AQP3: variants seen among roughly 807,000 people sequenced by gnomAD.
AQP3 encodes aquaporin-3.
Under a neutral mutation model 30.3 loss-of-function variants are expected in AQP3, and 15 were observed. The observed-to-expected ratio is 0.49, with a 90% confidence interval of 0.33 to 0.76. The LOEUF (loss-of-function observed/expected upper bound fraction) is 0.76. Ranked by LOEUF, AQP3 falls within the 30% of genes least tolerant of loss-of-function variation. The probability of loss-of-function intolerance (pLI) is 0.02; values close to 1 mark genes in which losing one functional copy is unlikely to be tolerated. For missense variants in AQP3, 272 were observed against 384.8 expected (o/e 0.71, Z 2.45); for synonymous variants, 153 against 163.2 (o/e 0.94, Z 0.47).
intron 1 of AQP3, among the ~76,000 whole-genome samples, chr9:33,444,160 G>A (rs553683127): frequency 2.0e-5 from 3 of 152,352 alleles, no homozygotes; most frequent in South Asian, 4.1e-4. Flanking sequence ...GAAGATGACT[G>A]AACCATCTTC....
chr9:33,447,358 G>T, intron 1 of AQP3, 65 bp downstream of exon 1: 8 of 1,385,734 alleles, frequency 5.8e-6, no homozygotes, highest in Non-Finnish European at 8.0e-6. Context: ...CCCCTTCGGG[G>T]AAGTGAGAGT....
Position 33,442,168 on chromosome 9 carries a change from G to A in AQP3, c.754C>T (p.Leu252=). The change falls in exon 6 of 6, where the codon CTG becomes TTG. Residue 252 remains leucine (L), a synonymous_variant. Coordinates refer to ENST00000297991, the MANE Select transcript of AQP3 (RefSeq NM_004925.5). ...WWWVPIVSPL[L]GSIAGVFVYQ... Reference sequence around the variant, plus strand: ...ACGAAGACACCCGCAATGGAGCCCAGGAGTGGGGACACGATGGGCACCCAC... The same window carrying A: ...ACGAAGACACCCGCAATGGAGCCCAAGAGTGGGGACACGATGGGCACCCAC... The A allele has an allele frequency of 2.5e-6, 4 of 1,613,342 alleles. No individual in the cohort carries two copies. In the South Asian group the frequency reaches 4.4e-5, roughly 18 times the overall value.
At chr9:33,445,006 A>G (rs2118974644) in intron 1 of AQP3, among the ~76,000 whole-genome samples, 1 of 152,338 alleles carries the variant, frequency 6.6e-6, no homozygotes, top group South Asian at 2.1e-4. Flanking sequence ...CTACAAATAT[A>G]GAACATACTG....
intron 1 of AQP3, among the ~76,000 whole-genome samples, chr9:33,445,878 T>C (rs1471749568): frequency 6.6e-6 from 1 of 152,228 alleles, no homozygotes; most frequent in Non-Finnish European, 1.5e-5. Context: ...CTCCAGTTCA[T>C]GCAGTCCTTG....
rs1289022568 is a variant in AQP3 at position 33,442,528 on chromosome 9, G to A, written c.493-10C>T. The A allele has an allele frequency of 1.9e-6, 3 of 1,594,702 alleles. No homozygotes were observed. Among genetic ancestry groups the A allele is most frequent in the Non-Finnish European group, 2.6e-6 (3 of 1,171,020 alleles). Reference sequence around the variant, plus strand: ...AGGCTGTGCCTATGAACTGGGGAGTGGGGAGAACAGGGTGAGCTGCAGCTC... The same window carrying A: ...AGGCTGTGCCTATGAACTGGGGAGTAGGGAGAACAGGGTGAGCTGCAGCTC... On this transcript the variant is annotated splice_polypyrimidine_tract_variant and intron_variant, in intron 4 of 5. Coordinates refer to ENST00000297991, the MANE Select transcript of AQP3 (RefSeq NM_004925.5).
Position 33,441,921 on chromosome 9 carries a change from A to C in AQP3, c.*122T>G. On this transcript the variant is annotated 3_prime_UTR_variant, in exon 6 of 6. Transcript: ENST00000297991. ...AGGGGCTGTCTCGTGGGGTGAGGGT[A>C]GATAGGGAGCTCCTTAGCCTGAAAG... 1.4e-6 allele frequency: 2 copies of C among 1,419,396 alleles called. No homozygotes were observed. The highest frequency in any genetic ancestry group is 9.6e-7 in the Non-Finnish European group (1 of 1,040,042). 87.9% of individuals were successfully genotyped at this position (1,419,396 alleles called of 1,614,324 possible).
intron 1 of AQP3, among the ~76,000 whole-genome samples, chr9:33,446,632 T>A (rs533479924): frequency 6.6e-6 from 1 of 151,272 alleles, no homozygotes; most frequent in Admixed American, 6.6e-5. Flanking sequence ...GACCAAGGAG[T>A]AACTAGGACT....
chr9:33,442,751 C>T lies in AQP3; in HGVS notation c.492+101G>A, dbSNP rs933323253. ...CGGGTTACCCCACAGATTGGAGAAA[C>T]CCTGCTACAGTCGAGGAGTCCTGTC... is the stretch of plus-strand genomic sequence containing the variant. On this transcript the variant is annotated intron_variant, in intron 4 of 5. Transcript: ENST00000297991. 14 of 1,256,950 alleles carry T rather than the reference C, an allele frequency of 1.1e-5. No homozygotes were observed. In the African/African-American group the frequency reaches 1.8e-4, roughly 16 times the overall value. 77.9% of individuals were successfully genotyped at this position (1,256,950 alleles called of 1,614,324 possible). A position where few individuals can be genotyped will look rare whatever the true frequency, so the allele number is the denominator to read the frequency against.
At position 33,443,010 on chromosome 9, in the gene AQP3, C is replaced by A. The variant is rs372509995; in HGVS notation, c.374-40G>T. ...GACACACAGTGAGTCGGGGGAGAGG[C>A]CTGAGCCCAGACTTCCCTCTCAGGT... is the stretch of plus-strand genomic sequence containing the variant. On this transcript the variant is annotated intron_variant, in intron 3 of 5. Coordinates refer to ENST00000297991, the MANE Select transcript of AQP3 (RefSeq NM_004925.5). This position sits in a 1 kb window ranked among gnomAD's most constrained non-coding sequence, Gnocchi z 5.0. 5 of 1,579,560 alleles carry A rather than the reference C, an allele frequency of 3.2e-6. No individual in the cohort carries two copies. The African/African-American group carries it at 6.8e-5, about 21-fold the overall frequency.
At chr9:33,442,542 G>A (rs1294639611) in intron 4 of AQP3, 24 bp from the exon 5 acceptor site, 12 of 1,578,396 alleles carry the variant, frequency 7.6e-6, no homozygotes, top group Non-Finnish European at 1.0e-5. Flanking sequence ...AGAACAGGGT[G>A]AGCTGCAGCT....
At chr9:33,445,967 C>A (rs549874570) in intron 1 of AQP3, among the ~76,000 whole-genome samples, 7 of 152,220 alleles carry the variant, frequency 4.6e-5, no homozygotes, top group African/African-American at 1.7e-4. Flanking sequence ...TAACACTCTT[C>A]TTTTGTGGTC....
At position 33,442,227 on chromosome 9, in the gene AQP3, C is replaced by G. The variant is rs1488351223; in HGVS notation, c.711-16G>C. On this transcript the variant is annotated splice_polypyrimidine_tract_variant and intron_variant, in intron 5 of 5. Transcript: ENST00000297991. ...CTGGCCGGTCCTGGGGGGACAGACA[C>G]TCATAGTCAGGGACATGGGGGGCAG... 1 of 1,612,220 alleles carries G rather than the reference C, an allele frequency of 6.2e-7. No homozygotes were observed. Among genetic ancestry groups the G allele is most frequent in the Non-Finnish European group, 8.5e-7 (1 of 1,179,452 alleles).
Position 33,442,153 on chromosome 9 carries a change from C to A in AQP3, c.769G>T (p.Gly257Cys). Residue 257 changes from glycine (G) to cysteine (C), a missense_variant, in exon 6 of 6, where the codon GGT becomes TGT. Coordinates refer to ENST00000297991, the MANE Select transcript of AQP3 (RefSeq NM_004925.5). Reference protein sequence around the residue: ...IVSPLLGSIAGVFVYQLMIGC... With the variant: ...IVSPLLGSIACVFVYQLMIGC... Reference sequence around the variant, plus strand: ...ATCATCAGCTGGTACACGAAGACACCCGCAATGGAGCCCAGGAGTGGGGAC... The same window carrying A: ...ATCATCAGCTGGTACACGAAGACACACGCAATGGAGCCCAGGAGTGGGGAC... 6.2e-7 allele frequency: 1 copy of A among 1,613,446 alleles called. No individual in the cohort carries two copies. The highest frequency in any genetic ancestry group is 8.5e-7 in the Non-Finnish European group (1 of 1,180,030).
At chr9:33,447,324 T>C in intron 1 of AQP3, 99 bp downstream of exon 1, 1 of 1,117,416 alleles carries the variant, frequency 8.9e-7, no homozygotes, top group Non-Finnish European at 1.3e-6. Context: ...GGGAGGTGGG[T>C]CCAGGCTACC....
At position 33,447,433 on chromosome 9, in the gene AQP3, A is replaced by G; in HGVS notation, c.98T>C (p.Leu33Pro). 1 of 1,603,630 alleles carries G rather than the reference A, an allele frequency of 6.2e-7. No individual in the cohort carries two copies. Among genetic ancestry groups the G allele is most frequent in the Non-Finnish European group, 8.5e-7 (1 of 1,175,676 alleles). ...GCTCCCTCCACTCACCACCAGGATG[A>G]GGGTCCCCAGGCACTCGGCCAGCGC... ...RQALAECLGT[L>P]ILVMFGCGSV... Residue 33 changes from leucine (L) to proline (P), a missense_variant, in exon 1 of 6, where the codon CTC becomes CCC. Coordinates refer to ENST00000297991, the MANE Select transcript of AQP3 (RefSeq NM_004925.5).
chr9:33,442,626 C>G (rs1033869720), intron 4 of AQP3, 108 bp from the exon 5 acceptor site: 14 of 1,239,168 alleles, frequency 1.1e-5, no homozygotes, highest in Non-Finnish European at 1.6e-5. Flanking sequence ...AGCGCCCGCC[C>G]ATGCTCTTCT....
intron 4 of AQP3, 114 bp downstream of exon 4, chr9:33,442,738 C>T: frequency 8.4e-7 from 1 of 1,186,204 alleles, no homozygotes; most frequent in Non-Finnish European, 1.3e-6. Context: ...GGTTACCCCA[C>T]AGATTGGAGA....
chr9:33,445,279 C>T (rs1826898865), intron 1 of AQP3, among the ~76,000 whole-genome samples: 2 of 152,202 alleles, frequency 1.3e-5, no homozygotes, highest in South Asian at 2.1e-4. Flanking sequence ...TCCTCTCCCA[C>T]CTGCCCATAA....
rs12555686 is a variant in AQP3 at position 33,447,549 on chromosome 9, G to T, written c.-19C>A. 89,472 of 1,571,860 alleles carry T rather than the reference G, an allele frequency of 0.057. 3,127 individuals carry two copies. Among genetic ancestry groups the T allele is most frequent in the Admixed American group, 0.14 (7,732 of 54,858 alleles). Reference sequence around the variant, plus strand: ...GACCCATGGCGGGGCAGGCGGCGGCGCTGTCGGGCGGGCAGGGGTGGCGGG... The same window carrying T: ...GACCCATGGCGGGGCAGGCGGCGGCTCTGTCGGGCGGGCAGGGGTGGCGGG... On this transcript the variant is annotated 5_prime_UTR_variant, in exon 1 of 6. Coordinates refer to ENST00000297991, the MANE Select transcript of AQP3 (RefSeq NM_004925.5).
Sources: gnomAD v4.1 joint callset for allele counts (sites outside exome capture counted in the v4.1 genomes callset) on GRCh38, gnomAD v4.1.1 for gene constraint, Gnocchi (gnomAD v3.1) non-coding constraint, MANE v1.5 for transcripts, NCBI Gene and HGNC (gene_info 2026-07-23, HGNC 2026-07-21) for gene names.